UNKL: variants seen among roughly 807,000 people sequenced by gnomAD.
UNKL encodes putative E3 ubiquitin-protein ligase UNKL.
UNKL carries 60 observed loss-of-function variants against 78.0 expected under a neutral mutation model. The observed-to-expected ratio is 0.77, with a 90% CI of 0.63 to 0.95. The LOEUF (loss-of-function observed/expected upper bound fraction) is 0.95. Ranked by LOEUF, UNKL falls within the 40% of genes least tolerant of loss-of-function variation. The pLI, the probability that UNKL is intolerant of heterozygous loss-of-function variation, is 0.00. For missense variants in UNKL, 1,159 were observed against 1,045.7 expected, an observed-to-expected ratio of 1.11 and a Z score of -1.49; for synonymous variants, 608 against 474.8, an observed-to-expected ratio of 1.28 and a Z score of -3.65.
intron 2 of UNKL, chr16:1,411,939 G>A (rs1318740136): frequency 1.3e-5 from 2 of 152,194 alleles, no homozygotes; most frequent in Non-Finnish European, 2.9e-5. Context: ...GCTAAGCACT[G>A]TTGAAAAAAT....
intron 2 of UNKL, among the ~76,000 whole-genome samples, chr16:1,406,859 C>T (rs143070026): frequency 7.9e-5 from 12 of 152,192 alleles, no homozygotes; most frequent in East Asian, 3.9e-4. Flanking sequence ...GACTCCTGGC[C>T]GGGCACAGTG....
chr16:1,394,040 TG>T, intron 7 of UNKL, 90 bp downstream of exon 7: 1 of 1,354,894 alleles, frequency 7.4e-7, no homozygotes, highest in South Asian at 1.3e-5. Context: ...CAGGTCCTCG[TG>T]GGCAGCTCCG....
In UNKL at chr16:1,401,704, G is replaced by A. The variant is rs755202161; in HGVS notation, c.465-3C>T. 9 of 1,607,250 alleles carry A rather than the reference G, an allele frequency of 5.6e-6. No homozygotes were observed. Among genetic ancestry groups the A allele is most frequent in the South Asian group, 1.1e-5 (1 of 90,888 alleles). On this transcript the variant is annotated splice_region_variant and splice_polypyrimidine_tract_variant and intron_variant, in intron 3 of 14. Transcript: ENST00000389221. Reference sequence around the variant, plus strand: ...AGGCTTCCTGGGCCTGCAGCTCCCTGCAAGCCGAGGACACAGTGGTCACAG... The same window carrying A: ...AGGCTTCCTGGGCCTGCAGCTCCCTACAAGCCGAGGACACAGTGGTCACAG...
rs61738727 is a variant in UNKL, at chr16:1,397,277, A to G, written c.753T>C (p.Ser251=). 0.68 allele frequency: 341,149 copies of G among 504,102 alleles called. 116,041 individuals carry two copies. Among genetic ancestry groups the G allele is most frequent in the East Asian group, 0.79 (10,717 of 13,594 alleles). The allele number at this position is 504,102 out of a possible 1,614,324, so 31.2% of individuals were successfully genotyped here. Residue 251 remains serine (S), a synonymous_variant, in exon 6 of 15, where the codon AGT becomes AGC. Transcript: ENST00000389221. ...RFQYRSTPCP[S]VKHGDEWGEP... Reference sequence around the variant, plus strand: ...CCCCCCACTCATCCCCGTGCTTCACACTGGGGCAGGGCGTGGACCTGGGGA... The same window carrying G: ...CCCCCCACTCATCCCCGTGCTTCACGCTGGGGCAGGGCGTGGACCTGGGGA...
rs1043803145 is a variant in UNKL, at chr16:1,364,154, C to T, written c.*2086G>A. 2 of 152,160 alleles carry T rather than the reference C, an allele frequency of 1.3e-5. No individual in the cohort carries two copies. The highest frequency in any genetic ancestry group is 4.8e-5 in the African/African-American group (2 of 41,430). 9.4% of individuals were successfully genotyped at this position (152,160 alleles called of 1,614,324 possible). On this transcript the variant is annotated 3_prime_UTR_variant, in exon 15 of 15. Coordinates refer to ENST00000389221, the MANE Select transcript of UNKL (RefSeq NM_001372107.1). Reference sequence around the variant, plus strand: ...ATATACGTAATTTCTAGATACTGAGCTAATAAATCACTGTAGTTAAAAACA... The same window carrying T: ...ATATACGTAATTTCTAGATACTGAGTTAATAAATCACTGTAGTTAAAAACA...
intron 2 of UNKL, among the ~76,000 whole-genome samples, chr16:1,413,289 C>A: frequency 7.4e-6 from 1 of 134,982 alleles, no homozygotes; most frequent in African/African-American, 2.8e-5. Context: ...AAAAGTGGGG[C>A]CGGGTACGGT....
At chr16:1,385,458 A>G (rs1324902726) in intron 9 of UNKL, 73 bp from the exon 10 acceptor site, 9 of 1,263,502 alleles carry the variant, frequency 7.1e-6, no homozygotes, top group Non-Finnish European at 9.0e-6. Context: ...GGCACCCTGC[A>G]GAAAGCACCG....
In UNKL at chr16:1,414,661, C is replaced by G. The variant is rs926690705; in HGVS notation, c.31G>C (p.Ala11Pro). 1 of 1,149,202 alleles carries G rather than the reference C, an allele frequency of 8.7e-7. No individual in the cohort carries two copies. The highest frequency in any genetic ancestry group is 4.1e-5 in the Admixed American group (1 of 24,184). The allele number at this position is 1,149,202 out of a possible 1,614,324, so 71.2% of individuals were successfully genotyped here. The change falls in exon 1 of 15, where the codon GCG becomes CCG. Residue 11 changes from alanine to proline, a missense_variant. Physicochemically the swap from Ala to Pro is conservative, Grantham distance 27 (BLOSUM62 -1). Transcript: ENST00000389221. The part of the protein sequence containing the change: MPSVSKAAAA[A>P]LSGSPPQTEK... ...GTCTGCGGGGGGGACCCGCTCAGCG[C>G]CGCTGCCGCCGCTTTCGAAACCGAC...
chr16:1,368,233 C>A, intron 12 of UNKL: 1 of 317,074 alleles, frequency 3.2e-6, no homozygotes, highest in Non-Finnish European at 5.9e-6. Context: ...AAAGACCCCA[C>A]AGAGCTGTGT....
intron 7 of UNKL, 80 bp downstream of exon 7, chr16:1,394,051 G>T: frequency 1.4e-6 from 2 of 1,437,762 alleles, no homozygotes; most frequent in Admixed American, 2.0e-5. Flanking sequence ...GGGCAGCTCC[G>T]GGTCATCGGT....
chr16:1,400,274 C>T (rs1049680549), intron 4 of UNKL, among the ~76,000 whole-genome samples: 5 of 151,672 alleles, frequency 3.3e-5, no homozygotes, highest in Admixed American at 2.6e-4. Flanking sequence ...AAAAATTAGC[C>T]GGGCATACTG....
rs747179664 is a variant in UNKL at position 1,366,410 on chromosome 16, C to A, written c.2047-15G>T. The A allele has an allele frequency of 2.6e-6, 4 of 1,567,152 alleles. No homozygotes were observed. The highest frequency in any genetic ancestry group is 3.5e-6 in the Non-Finnish European group (4 of 1,150,084). On this transcript the variant is annotated splice_polypyrimidine_tract_variant and intron_variant, in intron 14 of 14. Coordinates refer to ENST00000389221, the MANE Select transcript of UNKL (RefSeq NM_001372107.1). The stretch of plus-strand genomic sequence containing the variant: ...TGGAAGATCACCTGCAGGGCCAGAA[C>A]AATGACGGGCTCAGGAGGCCCCTGC...
At position 1,399,446 on chromosome 16, in the gene UNKL, C is replaced by A. The variant is rs371849793; in HGVS notation, c.662G>T (p.Arg221Leu). ...EQCPKPPRLC[R>L]QGYACPHYHN... ...GTAGTGTGGGCACGCATAGCCCTGGCGGCACAGGCGTGGCGGCTTCGGGCA... is the reference window on the plus strand; with the variant it reads ...GTAGTGTGGGCACGCATAGCCCTGGAGGCACAGGCGTGGCGGCTTCGGGCA... The change falls in exon 5 of 15, where the codon CGC (arginine) becomes CTC (leucine). Residue 221 changes from arginine to leucine, a missense_variant. By Grantham distance (102) the Arg-to-Leu change is moderately radical. Coordinates refer to ENST00000389221, the MANE Select transcript of UNKL (RefSeq NM_001372107.1). This position sits in a 1 kb window ranked among gnomAD's most constrained non-coding sequence, Gnocchi z 5.8. 6.2e-6 allele frequency: 10 copies of A among 1,604,370 alleles called. No homozygotes were observed. Among genetic ancestry groups the A allele is most frequent in the Non-Finnish European group, 8.5e-6 (10 of 1,176,258 alleles).
intron 2 of UNKL, among the ~76,000 whole-genome samples, chr16:1,411,589 C>T (rs1027778687): frequency 3.3e-5 from 5 of 151,756 alleles, no homozygotes; most frequent in East Asian, 1.9e-4. Context: ...CACTTTGGGA[C>T]GCCGAGGCGG....
chr16:1,375,529 G>A lies in UNKL; in HGVS notation c.1265-3918C>T, dbSNP rs74002217. Among the ~76,000 whole-genome samples the A allele has an allele frequency of 9.1e-3, 1,391 of 152,334 alleles. 23 individuals are homozygous for A. The highest frequency in any genetic ancestry group is 0.031 in the African/African-American group (1,288 of 41,584). ...CAGAGGCAGCAGGGCCCAGGGCAGAGAACCTGAACCCCTGGGGCGTCCGGG... is the reference window on the plus strand; with the variant it reads ...CAGAGGCAGCAGGGCCCAGGGCAGAAAACCTGAACCCCTGGGGCGTCCGGG... On this transcript the variant is annotated intron_variant, in intron 10 of 14. Coordinates refer to ENST00000389221, the MANE Select transcript of UNKL (RefSeq NM_001372107.1).
chr16:1,394,488 A>G (rs1164364899), intron 6 of UNKL: 4 of 627,340 alleles, frequency 6.4e-6, no homozygotes, highest in East Asian at 3.3e-5. Context: ...TCCCCGCTTG[A>G]TATTTTCTGA....
rs1480314471 is a variant in UNKL at position 1,399,346 on chromosome 16, T to A, written c.734+28A>T. 6.5e-7 allele frequency: 1 copy of A among 1,534,054 alleles called. No individual in the cohort carries two copies. The highest frequency in any genetic ancestry group is 2.0e-5 in the Admixed American group (1 of 48,914). On this transcript the variant is annotated intron_variant, in intron 5 of 14. Coordinates refer to ENST00000389221, the MANE Select transcript of UNKL (RefSeq NM_001372107.1). The surrounding 1 kb of genome is among the most constrained non-coding windows in gnomAD (Gnocchi z 5.8). ...CGGGAAGGACGCCCACCAGCCGGAG[T>A]CCTCTGAGCACGGTCCCGCAGGCTC...
chr16:1,388,429 G>A (rs1436905901), intron 9 of UNKL, among the ~76,000 whole-genome samples: 2 of 152,118 alleles, frequency 1.3e-5, no homozygotes, highest in East Asian at 1.9e-4. Flanking sequence ...ACTCCACCCC[G>A]GAGGCCTTCC....
rs113359972 is a variant in UNKL, at chr16:1,389,208, T to TC, written c.1086+1423dup. Among the ~76,000 whole-genome samples the TC allele has an allele frequency of 1.7e-3, 257 of 152,018 alleles. 3 individuals carry two copies. Among genetic ancestry groups the TC allele is most frequent in the African/African-American group, 5.4e-3 (222 of 41,466 alleles). ...GTGTCTTTGTTATGGACCAAACGTG[T>TC]CCCCCCCAAATTCCTACGTGGAAGC... On this transcript the variant is annotated intron_variant, in intron 9 of 14. Transcript: ENST00000389221.
Sources: gnomAD v4.1 joint callset for allele counts (sites outside exome capture counted in the v4.1 genomes callset) on GRCh38, gnomAD v4.1.1 for gene constraint, Gnocchi (gnomAD v3.1) non-coding constraint, MANE v1.5 for transcripts, NCBI Gene and HGNC (gene_info 2026-07-23, HGNC 2026-07-21) for gene names.